Variants in PACRG observed in about 807,000 individuals in gnomAD.
PACRG encodes the protein parkin coregulated.
In PACRG, 29 loss-of-function variants were observed where a neutral mutation model predicts 29.7. The observed-to-expected ratio is 0.98, with a 90% CI of 0.73 to 1.33. The LOEUF (loss-of-function observed/expected upper bound fraction) is 1.33. Among genes scored for constraint, PACRG ranks in the 40% most tolerant of loss-of-function variants. PACRG has a pLI of 0.00. For missense variants in PACRG, 279 were observed against 316.2 expected, an observed-to-expected ratio of 0.88 and a Z score of 0.89; for synonymous variants, 116 against 118.7, an observed-to-expected ratio of 0.98 and a Z score of 0.15.
intron 4 of PACRG, among the ~76,000 whole-genome samples, chr6:163,181,604 CAAAAAA>C (rs544633309): frequency 6.1e-5 from 4 of 65,102 alleles, no homozygotes; most frequent in Non-Finnish European, 1.1e-4. Flanking sequence ...CTTGAGGTGG[CAAAAAA>C]AAAAAAAAAA....
At chr6:163,313,891 G>T (rs189652954) in intron 4 of PACRG, 1 of 152,262 alleles carries the variant, frequency 6.6e-6, no homozygotes, top group East Asian at 1.9e-4. Flanking sequence ...TATCGTTAGA[G>T]AAAACAATTG....
chr6:162,848,915 G>A (rs1384641649), intron 2 of PACRG, among the ~76,000 whole-genome samples: 1 of 152,200 alleles, frequency 6.6e-6, no homozygotes, highest in Non-Finnish European at 1.5e-5. Flanking sequence ...CACAATCAGA[G>A]CAGATCTAGA....
chr6:163,191,393 A>T (rs1242357891), intron 4 of PACRG, among the ~76,000 whole-genome samples: 1 of 151,242 alleles, frequency 6.6e-6, no homozygotes, highest in Non-Finnish European at 1.5e-5. Flanking sequence ...TCTGACCCCC[A>T]CACCTTTATG....
At chr6:162,826,612 C>T (rs887396759) in intron 2 of PACRG, among the ~76,000 whole-genome samples, 24 of 151,820 alleles carry the variant, frequency 1.6e-4, no homozygotes, top group Middle Eastern at 3.4e-3. Flanking sequence ...TACAGGCATG[C>T]GCCACCACAC....
At chr6:163,006,644 AATT>A (rs1341005322) in intron 2 of PACRG, among the ~76,000 whole-genome samples, 1 of 151,848 alleles carries the variant, frequency 6.6e-6, no homozygotes, top group Admixed American at 6.6e-5. Flanking sequence ...AACTCTTTAG[AATT>A]ATTATGTCCT....
intron 4 of PACRG, among the ~76,000 whole-genome samples, chr6:163,285,158 T>C (rs763035557): frequency 2.4e-4 from 37 of 152,008 alleles, no homozygotes; most frequent in Non-Finnish European, 4.3e-4. Flanking sequence ...TGCCTGCTTG[T>C]CCAGCCTCCC....
chr6:163,199,380 G>A (rs188948690), intron 4 of PACRG, among the ~76,000 whole-genome samples: 1 of 152,268 alleles, frequency 6.6e-6, no homozygotes, highest in African/African-American at 2.4e-5. Context: ...CTCCTCCAGG[G>A]TTTGTGTCAG....
At chr6:162,995,586 G>A (rs1803947043) in intron 2 of PACRG, among the ~76,000 whole-genome samples, 1 of 152,234 alleles carries the variant, frequency 6.6e-6, no homozygotes, top group Non-Finnish European at 1.5e-5. Context: ...GCAATGCCTT[G>A]CCCTGCTTCG....
At chr6:162,759,198 C>T (rs912781121) in intron 1 of PACRG, among the ~76,000 whole-genome samples, 3 of 152,194 alleles carry the variant, frequency 2.0e-5, no homozygotes, top group African/African-American at 7.2e-5. Flanking sequence ...CCTTTAAAAG[C>T]AGATTCCGTT....
At chr6:163,251,676 CAGG>C (rs1382442500) in intron 4 of PACRG, among the ~76,000 whole-genome samples, 1 of 152,180 alleles carries the variant, frequency 6.6e-6, no homozygotes, top group African/African-American at 2.4e-5. Flanking sequence ...CGGACCTCCA[CAGG>C]AGAAGTTAGG....
At chr6:163,112,148 C>T (rs1407592217) in intron 4 of PACRG, 1 of 556,028 alleles carries the variant, frequency 1.8e-6, no homozygotes, top group African/African-American at 2.1e-5. Context: ...ACCTAGACAA[C>T]AATTGCATTG....
intron 2 of PACRG, among the ~76,000 whole-genome samples, chr6:162,830,055 A>G (rs763431333): frequency 6.6e-6 from 1 of 152,308 alleles, no homozygotes; most frequent in East Asian, 1.9e-4. Flanking sequence ...GAATGCTGTC[A>G]TGGTTCAGAG....
At chr6:162,805,903 C>T (rs1305097511) in intron 1 of PACRG, among the ~76,000 whole-genome samples, 3 of 152,118 alleles carry the variant, frequency 2.0e-5, no homozygotes, top group African/African-American at 7.2e-5. Context: ...GTCTTGAACC[C>T]TTCAAAGTTA....
At chr6:162,891,410 G>A (rs1794750122) in intron 2 of PACRG, among the ~76,000 whole-genome samples, 2 of 152,162 alleles carry the variant, frequency 1.3e-5, no homozygotes, top group African/African-American at 4.8e-5. Flanking sequence ...GTGCTCAGTG[G>A]GACCCACAAT....
intron 2 of PACRG, among the ~76,000 whole-genome samples, chr6:163,026,829 A>G (rs992393936): frequency 1.3e-5 from 2 of 152,248 alleles, no homozygotes; most frequent in Admixed American, 1.3e-4. Context: ...CCAGGCACAG[A>G]GGGACTGGTT....
intron 2 of PACRG, among the ~76,000 whole-genome samples, chr6:163,021,113 AG>A (rs1008244586): frequency 5.3e-5 from 8 of 152,152 alleles, no homozygotes; most frequent in Non-Finnish European, 1.2e-4. Context: ...CCATCACTTT[AG>A]CCCAGATTCT....
intron 2 of PACRG, among the ~76,000 whole-genome samples, chr6:162,948,464 A>G (rs1799410419): frequency 6.6e-6 from 1 of 152,126 alleles, no homozygotes; most frequent in South Asian, 2.1e-4. Context: ...GCAATGCTTC[A>G]GGAGATTGGT....
intron 4 of PACRG, among the ~76,000 whole-genome samples, chr6:163,174,163 TAGA>T (rs1779231018): frequency 6.6e-6 from 1 of 152,344 alleles, no homozygotes; most frequent in South Asian, 2.1e-4. Context: ...TGGGCCACAT[TAGA>T]AGAAGAATTG....
rs530890454 is a variant in PACRG at position 163,045,909 on chromosome 6, C to T, written c.292-16241C>T. ...GATTACAGGTGTGAGGCACCGTGCC[C>T]GGCCCAAACTGATGATTCTACCCCA... On this transcript the variant is annotated intron_variant, in intron 2 of 4. Transcript: ENST00000366888. Among the ~76,000 whole-genome samples, 9 of 152,236 alleles carry T rather than the reference C, an allele frequency of 5.9e-5. No individual in the cohort carries two copies. In the East Asian group the frequency reaches 1.2e-3, roughly 20 times the overall value.
Sources: gnomAD v4.1 joint callset for allele counts (sites outside exome capture counted in the v4.1 genomes callset) on GRCh38, gnomAD v4.1.1 for gene constraint, MANE v1.5 for transcripts, NCBI Gene and HGNC (gene_info 2026-07-23, HGNC 2026-07-21) for gene names.